Variants in CRYBG3 observed in about 807,000 individuals in gnomAD.
The protein encoded by CRYBG3 is crystallin beta-gamma domain containing 3.
Under a neutral mutation model 244.2 loss-of-function variants are expected in CRYBG3, and 127 were observed. The ratio of observed to expected loss-of-function variants is 0.52; its 90% confidence interval spans 0.45 to 0.60. The LOEUF is 0.60. Ranked by LOEUF, CRYBG3 falls within the 20% of genes least tolerant of loss-of-function variation. The probability of loss-of-function intolerance (pLI) is 0.00; values close to 1 mark genes in which losing one functional copy is unlikely to be tolerated. For missense variants in CRYBG3, 3,325 were observed against 3,442.5 expected (o/e 0.97, Z 0.85); for synonymous variants, 1,132 against 1,195.8 (o/e 0.95, Z 1.10).
At chr3:97,852,256 T>A (rs757161312) in intron 2 of CRYBG3, among the ~76,000 whole-genome samples, 2 of 152,110 alleles carry the variant, frequency 1.3e-5, no homozygotes, top group Non-Finnish European at 2.9e-5. Context: ...GTGAAAGAGA[T>A]GGAGAAGAGT....
chr3:97,902,853 A>G (rs987344906), intron 15 of CRYBG3, among the ~76,000 whole-genome samples: 1 of 152,162 alleles, frequency 6.6e-6, no homozygotes, highest in Admixed American at 6.5e-5. Flanking sequence ...CCCAAACAAA[A>G]CAAAAACCAA....
Position 97,908,886 on chromosome 3 carries a change from T to C in CRYBG3, c.8005-3281T>C, listed in dbSNP as rs536804411. On this transcript the variant is annotated intron_variant, in intron 15 of 21. Transcript: ENST00000389622. Reference sequence around the variant, plus strand: ...GGCATGATTTTGCAGCGGCTGGTACTGGTTGTTCCTTTCCATGTTTAGCGC... The same window carrying C: ...GGCATGATTTTGCAGCGGCTGGTACCGGTTGTTCCTTTCCATGTTTAGCGC... Among the ~76,000 whole-genome samples, 78 of 152,322 alleles carry C rather than the reference T, an allele frequency of 5.1e-4. 1 individual carries two copies. In the East Asian group the frequency reaches 0.014, roughly 27 times the overall value.
intron 7 of CRYBG3, among the ~76,000 whole-genome samples, chr3:97,881,478 G>A (rs1343796928): frequency 6.6e-6 from 1 of 152,048 alleles, no homozygotes; most frequent in Admixed American, 6.6e-5. Flanking sequence ...CACTTTGGGA[G>A]GCTGAGGTGG....
Position 97,854,041 on chromosome 3 carries a change from G to T in CRYBG3, c.217-10176G>T, listed in dbSNP as rs1307407971. On this transcript the variant is annotated intron_variant, in intron 2 of 21. Transcript: ENST00000389622. The stretch of plus-strand genomic sequence containing the variant: ...AGGATCCAGTTTCATTCTTTGACAT[G>T]TGGCTTGCCAGTTATCCCAGCACAA... 3.9e-5 allele frequency among the ~76,000 whole-genome samples: 6 copies of T among 152,122 alleles called. No homozygotes were observed. In the East Asian group the frequency reaches 1.2e-3, roughly 29 times the overall value.
Position 97,942,412 on chromosome 3 carries a change from T to C in CRYBG3, c.8793T>C (p.Tyr2931=), listed in dbSNP as rs756374960. The change falls in exon 21 of 22, where the codon TAT becomes TAC. Residue 2931 remains tyrosine (Y), a synonymous_variant. Transcript: ENST00000389622. Reference sequence around the variant, plus strand: ...ATAAAAATGGAACTATCAGCTCTTATCTCAGTGATCAACTTGTCCTTGATG... The same window carrying C: ...ATAAAAATGGAACTATCAGCTCTTACCTCAGTGATCAACTTGTCCTTGATG... The part of the protein sequence containing the change: ...RLNKNGTISS[Y]LSDQLVLDVK... The C allele has an allele frequency of 6.2e-7, 1 of 1,611,552 alleles. No homozygotes were observed. The highest frequency in any genetic ancestry group is 1.1e-5 in the South Asian group (1 of 90,872).
intron 15 of CRYBG3, among the ~76,000 whole-genome samples, chr3:97,907,665 C>G (rs1398763585): frequency 0.012 from 1,754 of 150,202 alleles, 25 homozygotes; most frequent in African/African-American, 0.04. Context: ...TGCTAGCGGT[C>G]TATCAATTTT....
chr3:97,904,289 T>G (rs963675526), intron 15 of CRYBG3, among the ~76,000 whole-genome samples: 1 of 152,310 alleles, frequency 6.6e-6, no homozygotes, highest in South Asian at 2.1e-4. Flanking sequence ...TAATTCTGGG[T>G]GAATCATATA....
At chr3:97,840,547 G>A (rs1359845931) in intron 1 of CRYBG3, 1 of 152,024 alleles carries the variant, frequency 6.6e-6, no homozygotes, top group Non-Finnish European at 1.5e-5. Context: ...TGTGTTTGTA[G>A]TTTGTATTTG....
Position 97,912,279 on chromosome 3 carries a change from A to G in CRYBG3, c.8114+3A>G. 6.7e-7 allele frequency: 1 copy of G among 1,503,362 alleles called. No individual in the cohort carries two copies. Among genetic ancestry groups the G allele is most frequent in the Non-Finnish European group, 9.2e-7 (1 of 1,088,390 alleles). The allele number at this position is 1,503,362 out of a possible 1,614,324, so 93.1% of individuals were successfully genotyped here. On this transcript the variant is annotated splice_donor_region_variant and intron_variant, in intron 16 of 21. Coordinates refer to ENST00000389622, the MANE Select transcript of CRYBG3 (RefSeq NM_153605.4). ...TCTTTTAAAGTTCTTCGAGGTTGGT[A>G]AGTATGCTTACTTAGTGGTTTCTGC...
chr3:97,937,010 A>G, intron 19 of CRYBG3, 102 bp downstream of exon 19: 1 of 1,317,242 alleles, frequency 7.6e-7, no homozygotes, highest in Non-Finnish European at 1.1e-6. Context: ...TTAGTTTGCC[A>G]TTTACATAGT....
intron 15 of CRYBG3, among the ~76,000 whole-genome samples, chr3:97,909,368 A>G (rs2039833328): frequency 6.7e-6 from 1 of 148,918 alleles, no homozygotes; most frequent in Non-Finnish European, 1.5e-5. Context: ...CATTCTCCCC[A>G]TCACTTTCAG....
chr3:97,943,348 G>C lies in CRYBG3; in HGVS notation c.*34G>C, dbSNP rs1452884496. ...ACATCCCTAGAAAGATCCCTAGAAA[G>C]AGCAAAGAAGGAAACACATCTGTCA... On this transcript the variant is annotated 3_prime_UTR_variant, in exon 22 of 22. Transcript: ENST00000389622. The C allele has an allele frequency of 4.1e-6, 5 of 1,217,410 alleles. No homozygotes were observed. The highest frequency in any genetic ancestry group is 6.1e-6 in the Non-Finnish European group (5 of 826,246). The allele number at this position is 1,217,410 out of a possible 1,614,324, so 75.4% of individuals were successfully genotyped here.
chr3:97,924,791 TC>T (rs2040021040), intron 17 of CRYBG3, among the ~76,000 whole-genome samples: 1 of 152,066 alleles, frequency 6.6e-6, no homozygotes, highest in African/African-American at 2.4e-5. Context: ...TATCTCAAGG[TC>T]CTTAATTACT....
intron 1 of CRYBG3, among the ~76,000 whole-genome samples, chr3:97,825,414 G>A (rs556432556): frequency 2.6e-5 from 4 of 152,146 alleles, no homozygotes; most frequent in Non-Finnish European, 4.4e-5. Context: ...ATTTATCAAG[G>A]GCTGACTGTG....
chr3:97,847,018 A>C (rs139550195), intron 2 of CRYBG3, among the ~76,000 whole-genome samples: 5 of 152,322 alleles, frequency 3.3e-5, no homozygotes. Context: ...AAGAAGGAGC[A>C]GACATGTCAC....
At chr3:97,839,348 AGTATTCACT>A (rs1287493856) in intron 1 of CRYBG3, among the ~76,000 whole-genome samples, 1 of 152,006 alleles carries the variant, frequency 6.6e-6, no homozygotes, top group Non-Finnish European at 1.5e-5. Context: ...CAAACATCTG[AGTATTCACT>A]GTTTTTGAGT....
Position 97,900,462 on chromosome 3 carries a change from G to C in CRYBG3, c.7981G>C (p.Gly2661Arg), listed in dbSNP as rs1174775999. ...SIRPIQLEPLGINEPPHLLKA... is the reference protein window; with the variant it reads ...SIRPIQLEPLRINEPPHLLKA... Reference sequence around the variant, plus strand: ...TTAATATGTTTTTCAGGAACCACTTGGGATAAATGAACCTCCGCATTTGGT... The same window carrying C: ...TTAATATGTTTTTCAGGAACCACTTCGGATAAATGAACCTCCGCATTTGGT... Residue 2661 changes from glycine to arginine, a missense_variant, in exon 15 of 22, where the codon GGG becomes CGG. Coordinates refer to ENST00000389622, the MANE Select transcript of CRYBG3 (RefSeq NM_153605.4). The C allele has an allele frequency of 2.6e-6, 4 of 1,553,808 alleles. No homozygotes were observed. The African/African-American group carries it at 5.4e-5, about 21-fold the overall frequency.
chr3:97,931,745 G>A (rs2040099603), intron 17 of CRYBG3, among the ~76,000 whole-genome samples: 1 of 151,930 alleles, frequency 6.6e-6, no homozygotes, highest in Non-Finnish European at 1.5e-5. Flanking sequence ...GATTCCATTT[G>A]TTTGCCTTAA....
intron 15 of CRYBG3, among the ~76,000 whole-genome samples, chr3:97,910,381 TG>T (rs1364829863): frequency 1.3e-5 from 2 of 152,174 alleles, no homozygotes; most frequent in Non-Finnish European, 2.9e-5. Flanking sequence ...CTCAGACTGC[TG>T]TGCTAGCAAT....
Sources: gnomAD v4.1 joint callset for allele counts (sites outside exome capture counted in the v4.1 genomes callset) on GRCh38, gnomAD v4.1.1 for gene constraint, MANE v1.5 for transcripts, NCBI Gene and HGNC (gene_info 2026-07-23, HGNC 2026-07-21) for gene names.